Variants in NCAPD2 observed in about 807,000 individuals in gnomAD.
NCAPD2 encodes the protein non-SMC condensin I complex subunit D2.
NCAPD2 carries 100 observed loss-of-function variants against 164.5 expected under a neutral mutation model. That is an observed-to-expected ratio of 0.61 (90% CI 0.52 to 0.72). The LOEUF (loss-of-function observed/expected upper bound fraction) is 0.72, where lower values mean the gene tolerates loss of function less well. NCAPD2 is among the 30% of genes least tolerant of loss of function. The probability of loss-of-function intolerance (pLI) is 0.00; values close to 1 mark genes in which losing one functional copy is unlikely to be tolerated. For synonymous variants in NCAPD2, 585 were observed against 642.6 expected, an observed-to-expected ratio of 0.91 and a Z score of 1.36; for missense variants, 1,560 against 1,749.2, an observed-to-expected ratio of 0.89 and a Z score of 1.93.
At chr12:6,522,350 G>A (rs1946271854) in intron 15 of NCAPD2, among the ~76,000 whole-genome samples, 1 of 151,228 alleles carries the variant, frequency 6.6e-6, no homozygotes, top group Admixed American at 6.6e-5. Flanking sequence ...AAACTGGGAG[G>A]CCAAAGCAGG....
rs1368142678 is a variant in NCAPD2 at position 6,516,998 on chromosome 12, G to T, written c.1158G>T (p.Gln386His). The T allele has an allele frequency of 3.1e-6, 5 of 1,614,120 alleles. No individual in the cohort carries two copies. The highest frequency in any genetic ancestry group is 4.2e-6 in the Non-Finnish European group (5 of 1,180,026). ...VNSFVRSRVL[Q>H]LFTRIVQQKA... ...CCTTTGTGCGGAGCCGTGTTTTGCAGCTCTTCACCCGAATTGTCCAGCAGA... is the reference window on the plus strand; with the variant it reads ...CCTTTGTGCGGAGCCGTGTTTTGCATCTCTTCACCCGAATTGTCCAGCAGA... The change falls in exon 10 of 32, where the codon CAG becomes CAT. Residue 386 changes from glutamine (Q) to histidine (H), a missense_variant. By Grantham distance (24) the Gln-to-His change is conservative. Coordinates refer to ENST00000315579, the MANE Select transcript of NCAPD2 (RefSeq NM_014865.4).
chr12:6,518,504 G>GTTTTTTTGTTT (rs1946226659), intron 13 of NCAPD2, among the ~76,000 whole-genome samples: 2 of 44,782 alleles, frequency 4.5e-5, no homozygotes, highest in South Asian at 1.7e-3. Context: ...CCGTCAACAA[G>GTTTTTTTGTTT]TTTTTTTTTT....
chr12:6,524,785 G>T (rs1284981550), intron 17 of NCAPD2, among the ~76,000 whole-genome samples: 1 of 152,144 alleles, frequency 6.6e-6, no homozygotes, highest in Non-Finnish European at 1.5e-5. Flanking sequence ...CAGCATTTTA[G>T]TGAGACATTC....
chr12:6,525,994 AC>A (rs1187808312), intron 18 of NCAPD2, 73 bp from the exon 19 acceptor site: 11 of 1,558,400 alleles, frequency 7.1e-6, no homozygotes, highest in Non-Finnish European at 9.6e-6. Flanking sequence ...GCTGGTACCT[AC>A]CCCTATTGGC....
chr12:6,510,331 G>T (rs1471885939), intron 4 of NCAPD2, 198 bp downstream of exon 4: 3 of 792,868 alleles, frequency 3.8e-6, no homozygotes, highest in Non-Finnish European at 6.8e-6. Context: ...AGTTATGTGT[G>T]TTCACTGTAA....
intron 13 of NCAPD2, among the ~76,000 whole-genome samples, chr12:6,520,293 G>A (rs970067406): frequency 9.9e-5 from 15 of 151,580 alleles, no homozygotes; most frequent in Non-Finnish European, 4.4e-5. Flanking sequence ...CCATGCTGGA[G>A]TACAGTGGTA....
intron 2 of NCAPD2, 117 bp downstream of exon 2, chr12:6,495,342 T>C: frequency 7.6e-7 from 1 of 1,322,590 alleles, no homozygotes; most frequent in Non-Finnish European, 1.0e-6. Context: ...GCAAGAAACA[T>C]GTTTTTCCTA....
At chr12:6,498,685 G>A (rs1946005813) in intron 2 of NCAPD2, among the ~76,000 whole-genome samples, 1 of 151,710 alleles carries the variant, frequency 6.6e-6, no homozygotes, top group South Asian at 2.1e-4. Context: ...TCAGCTCACT[G>A]CAACCTCCGC....
chr12:6,531,141 C>A lies in NCAPD2; in HGVS notation c.4120+65C>A, dbSNP rs1160699983. The A allele has an allele frequency of 1.9e-6, 3 of 1,597,070 alleles. No homozygotes were observed. The East Asian group carries it at 6.7e-5, about 36-fold the overall frequency. ...AGCTAGGGTGCAGAGGGCTGGTTTC[C>A]ATAGGACCTGCTGCGGGGGCCTGAG... On this transcript the variant is annotated intron_variant, in intron 31 of 31. Coordinates refer to ENST00000315579, the MANE Select transcript of NCAPD2 (RefSeq NM_014865.4). This position sits in a 1 kb window ranked among gnomAD's most constrained non-coding sequence, Gnocchi z 4.1.
rs1945968676 is a variant in NCAPD2, at chr12:6,495,313, A to C, written c.127+88A>C. 3.3e-6 allele frequency: 5 copies of C among 1,495,624 alleles called. No homozygotes were observed. The African/African-American group carries it at 7.0e-5, about 21-fold the overall frequency. 92.6% of individuals were successfully genotyped at this position (1,495,624 alleles called of 1,614,324 possible). ...TACATTGTCATTTCTGTTCCACTAC[A>C]CCAGGAAGCATCATAAGAGCAAGAA... On this transcript the variant is annotated intron_variant, in intron 2 of 31. Coordinates refer to ENST00000315579, the MANE Select transcript of NCAPD2 (RefSeq NM_014865.4).
chr12:6,523,644 G>A (rs1187681008), intron 17 of NCAPD2, among the ~76,000 whole-genome samples: 4 of 152,082 alleles, frequency 2.6e-5, no homozygotes, highest in African/African-American at 9.7e-5. Context: ...TGATCCACCC[G>A]CCTCAACCTC....
chr12:6,515,285 A>C (rs949326060), intron 9 of NCAPD2, among the ~76,000 whole-genome samples: 1 of 152,052 alleles, frequency 6.6e-6, no homozygotes, highest in African/African-American at 2.4e-5. Context: ...CCTGGGCTCA[A>C]GCAATCCTCC....
At chr12:6,497,186 T>C (rs572764371) in intron 2 of NCAPD2, among the ~76,000 whole-genome samples, 2 of 152,316 alleles carry the variant, frequency 1.3e-5, no homozygotes, top group South Asian at 4.1e-4. Context: ...TCCACAGGTA[T>C]ACTATTCTGT....
chr12:6,516,292 A>G (rs1946199060), intron 9 of NCAPD2, among the ~76,000 whole-genome samples: 1 of 150,484 alleles, frequency 6.6e-6, no homozygotes, highest in South Asian at 2.1e-4. Context: ...TCACGAGGTC[A>G]GGAGTTTGAG....
At position 6,518,630 on chromosome 12, in the gene NCAPD2, C is replaced by T. The variant is rs185628251; in HGVS notation, c.1589+671C>T. On this transcript the variant is annotated intron_variant, in intron 13 of 31. Coordinates refer to ENST00000315579, the MANE Select transcript of NCAPD2 (RefSeq NM_014865.4). ...CTGCCTCCCAGGTTCAAGCAATTCT[C>T]GTGCCTCAGCCTCCCAAGTAGCTGG... 1.3e-4 allele frequency among the ~76,000 whole-genome samples: 19 copies of T among 144,474 alleles called. No homozygotes were observed. In the East Asian group the frequency reaches 3.1e-3, roughly 24 times the overall value. 94.8% of individuals were successfully genotyped at this position (144,474 alleles called of 152,430 possible).
chr12:6,497,620 TTTG>T (rs58209153), intron 2 of NCAPD2, among the ~76,000 whole-genome samples: 6 of 141,834 alleles, frequency 4.2e-5, no homozygotes, highest in South Asian at 4.7e-4. Context: ...CTGTCACTTT[TTTG>T]TTGTTGTTGT....
At chr12:6,494,778 G>A (rs1211094127) in intron 1 of NCAPD2, among the ~76,000 whole-genome samples, 1 of 152,212 alleles carries the variant, frequency 6.6e-6, no homozygotes, top group Non-Finnish European at 1.5e-5. Flanking sequence ...TAGTAACCCT[G>A]TTTTTACAGA....
chr12:6,503,491 G>A (rs1240660916), intron 2 of NCAPD2, among the ~76,000 whole-genome samples: 1 of 152,160 alleles, frequency 6.6e-6, no homozygotes, highest in Non-Finnish European at 1.5e-5. Context: ...TCGGTGAGGG[G>A]TTGGGCACGG....
intron 17 of NCAPD2, among the ~76,000 whole-genome samples, chr12:6,524,732 T>G (rs1386495628): frequency 6.6e-6 from 1 of 151,800 alleles, no homozygotes; most frequent in East Asian, 1.9e-4. Flanking sequence ...AGTCCCTGAA[T>G]GACTTCAGGA....
Sources: allele counts gnomAD v4.1 joint callset (sites outside exome capture counted in the v4.1 genomes callset), GRCh38; gene constraint gnomAD v4.1.1; non-coding constraint Gnocchi (gnomAD v3.1); transcripts MANE v1.5; gene names NCBI Gene and HGNC (gene_info 2026-07-23, HGNC 2026-07-21).